Variants in PDSS2 observed in about 807,000 individuals in gnomAD.
PDSS2 encodes the protein decaprenyl diphosphate synthase subunit 2, also known as all trans-polyprenyl-diphosphate synthase PDSS2.
PDSS2 carries 31 observed loss-of-function variants against 44.5 expected under a neutral mutation model. That is an observed-to-expected ratio of 0.70 (90% CI 0.52 to 0.94). The LOEUF (loss-of-function observed/expected upper bound fraction) is 0.94, where lower values mean the gene tolerates loss of function less well. PDSS2 is among the 40% of genes least tolerant of loss of function. The pLI, the probability that PDSS2 is intolerant of heterozygous loss-of-function variation, is 0.00. For missense variants in PDSS2, 452 were observed against 482.2 expected, an observed-to-expected ratio of 0.94 and a Z score of 0.59; for synonymous variants, 157 against 180.3, an observed-to-expected ratio of 0.87 and a Z score of 1.03.
intron 1 of PDSS2, among the ~76,000 whole-genome samples, chr6:107,389,336 A>C (rs1049429899): frequency 3.3e-5 from 5 of 152,066 alleles, no homozygotes; most frequent in African/African-American, 1.2e-4. Context: ...AATATGGGGG[A>C]AAAAAAGGAG....
At chr6:107,435,273 T>C (rs1343980669) in intron 1 of PDSS2, among the ~76,000 whole-genome samples, 1 of 130,312 alleles carries the variant, frequency 7.7e-6, no homozygotes, top group Non-Finnish European at 1.6e-5. Flanking sequence ...AGCAACATAC[T>C]GCCTCAAAAC....
At chr6:107,228,881 G>A in intron 4 of PDSS2, among the ~76,000 whole-genome samples, 1 of 152,154 alleles carries the variant, frequency 6.6e-6, no homozygotes, top group East Asian at 1.9e-4. Context: ...ATCACCACTA[G>A]CATCTTCAAA....
At chr6:107,400,273 C>A (rs939315485) in intron 1 of PDSS2, among the ~76,000 whole-genome samples, 1 of 152,146 alleles carries the variant, frequency 6.6e-6, no homozygotes, top group Non-Finnish European at 1.5e-5. Flanking sequence ...TTAGGGGACA[C>A]ATGGATGCCT....
At chr6:107,249,658 A>T (rs2114823933) in intron 3 of PDSS2, among the ~76,000 whole-genome samples, 1 of 152,312 alleles carries the variant, frequency 6.6e-6, no homozygotes, top group African/African-American at 2.4e-5. Context: ...GCAAAGCCAT[A>T]CACTATCCTT....
intron 1 of PDSS2, among the ~76,000 whole-genome samples, chr6:107,433,319 C>G (rs1334670746): frequency 6.7e-6 from 1 of 150,336 alleles, no homozygotes; most frequent in Non-Finnish European, 1.5e-5. Context: ...CCAAGGCCAT[C>G]CTGACCAAAA....
chr6:107,245,616 C>A lies in PDSS2; in HGVS notation c.634G>T (p.Val212Leu). Residue 212 changes from valine to leucine, a missense_variant, in exon 4 of 8, where the codon GTG (valine) becomes TTG (leucine). Val to Leu is a conservative substitution (Grantham distance 32, BLOSUM62 1). Transcript: ENST00000369037. Reference sequence around the variant, plus strand: ...ATAAGAGCACTTGCTAAAAGTTCCACAACCTAAAAAGCAAGAAGAAAAATA... The same window carrying A: ...ATAAGAGCACTTGCTAAAAGTTCCAAAACCTAAAAAGCAAGAAGAAAAATA... ...GLALLQNTKV[V>L]ELLASALMDL... is the part of the protein sequence containing the mutation. 1.3e-6 allele frequency: 2 copies of A among 1,574,006 alleles called. No individual in the cohort carries two copies. Among genetic ancestry groups the A allele is most frequent in the Non-Finnish European group, 1.7e-6 (2 of 1,150,038 alleles).
At chr6:107,432,568 A>T (rs319105) in intron 1 of PDSS2, among the ~76,000 whole-genome samples, 57,264 of 152,004 alleles carry the variant, frequency 0.38, 13,268 homozygotes, top group Middle Eastern at 0.64. Context: ...AGGCAGGCGG[A>T]TCACTTGAGG....
intron 1 of PDSS2, among the ~76,000 whole-genome samples, chr6:107,443,591 T>C (rs184468513): frequency 3.3e-5 from 5 of 152,350 alleles, no homozygotes; most frequent in Admixed American, 2.6e-4. Flanking sequence ...AAGTTTAGCA[T>C]CAGATACTCT....
chr6:107,359,251 A>G (rs939166448), intron 1 of PDSS2, among the ~76,000 whole-genome samples: 3 of 150,588 alleles, frequency 2.0e-5, no homozygotes, highest in Admixed American at 6.6e-5. Flanking sequence ...ACCTCAGGTG[A>G]TTCACCTGCC....
At position 107,274,177 on chromosome 6, in the gene PDSS2, A is replaced by G; in HGVS notation, c.482T>C (p.Val161Ala). Residue 161 changes from valine (V) to alanine (A), a missense_variant, in exon 3 of 8, where the codon GTA becomes GCA. Coordinates refer to ENST00000369037, the MANE Select transcript of PDSS2 (RefSeq NM_020381.4). ...ITELIHIALL[V>A]HRGIVNLNEL... ...ATTTAAATTTACTATCCCACGATGT[A>G]CAAGGAGAGCAATATGAATTAGCTC... is the stretch of plus-strand genomic sequence containing the variant. 1 of 1,614,052 alleles carries G rather than the reference A, an allele frequency of 6.2e-7. No individual in the cohort carries two copies. Among genetic ancestry groups the G allele is most frequent in the Non-Finnish European group, 8.5e-7 (1 of 1,179,862 alleles).
chr6:107,321,102 T>A (rs1210600690), intron 2 of PDSS2, among the ~76,000 whole-genome samples: 1 of 152,220 alleles, frequency 6.6e-6, no homozygotes, highest in Non-Finnish European at 1.5e-5. Context: ...AGTAGCAGAC[T>A]TATAGAAAAC....
At chr6:107,318,428 C>G (rs1448906920) in intron 2 of PDSS2, among the ~76,000 whole-genome samples, 1 of 151,878 alleles carries the variant, frequency 6.6e-6, no homozygotes, top group African/African-American at 2.4e-5. Context: ...ACTATGAAAA[C>G]AGAACAAATT....
intron 1 of PDSS2, among the ~76,000 whole-genome samples, chr6:107,426,774 T>G (rs1274615348): frequency 6.6e-6 from 1 of 152,180 alleles, no homozygotes; most frequent in Admixed American, 6.5e-5. Context: ...CCTGCTTGAT[T>G]TTGGACTTGC....
At chr6:107,214,189 T>C (rs921000740) in intron 4 of PDSS2, among the ~76,000 whole-genome samples, 1 of 151,824 alleles carries the variant, frequency 6.6e-6, no homozygotes, top group African/African-American at 2.4e-5. Context: ...CTGCAAGCTC[T>C]GCCTCCCGGG....
chr6:107,397,226 C>G (rs1779977362), intron 1 of PDSS2, among the ~76,000 whole-genome samples: 1 of 150,578 alleles, frequency 6.6e-6, no homozygotes, highest in African/African-American at 2.5e-5. Context: ...GAAATAAAAA[C>G]TGTAATATAG....
chr6:107,332,927 A>C (rs537188887), intron 2 of PDSS2, among the ~76,000 whole-genome samples: 73 of 152,298 alleles, frequency 4.8e-4, no homozygotes, highest in African/African-American at 1.6e-3. Context: ...GTTTACAAAA[A>C]ATTATATTGG....
At chr6:107,369,134 A>G (rs1779053099) in intron 1 of PDSS2, among the ~76,000 whole-genome samples, 1 of 152,176 alleles carries the variant, frequency 6.6e-6, no homozygotes, top group African/African-American at 2.4e-5. Context: ...TAAAACACAG[A>G]ACAGGCCGGG....
intron 1 of PDSS2, among the ~76,000 whole-genome samples, chr6:107,375,204 A>T (rs1046903667): frequency 6.6e-6 from 1 of 152,044 alleles, no homozygotes; most frequent in Non-Finnish European, 1.5e-5. Context: ...AATAAACCCT[A>T]AAAAAAGCAG....
chr6:107,402,824 C>T (rs1365306438), intron 1 of PDSS2, among the ~76,000 whole-genome samples: 1 of 151,988 alleles, frequency 6.6e-6, no homozygotes, highest in Non-Finnish European at 1.5e-5. Context: ...TAACTGTCCC[C>T]ATGATTCAAT....
Sources: gnomAD v4.1 joint callset for allele counts (sites outside exome capture counted in the v4.1 genomes callset) on GRCh38, gnomAD v4.1.1 for gene constraint, MANE v1.5 for transcripts, NCBI Gene and HGNC (gene_info 2026-07-23, HGNC 2026-07-21) for gene names.